PIWIL3: variants seen among roughly 807,000 people sequenced by gnomAD.
PIWIL3 encodes the protein piwi-like protein 3.
PIWIL3 carries 101 observed loss-of-function variants against 109.7 expected under a neutral mutation model. The observed-to-expected ratio is 0.92, with a 90% CI of 0.78 to 1.09. The LOEUF (loss-of-function observed/expected upper bound fraction) is 1.09, where lower values mean the gene tolerates loss of function less well. PIWIL3 is among the 50% of genes least tolerant of loss of function. The pLI is 0.00. For missense variants in PIWIL3, 1,031 were observed against 1,072.6 expected (o/e 0.96, Z 0.54); for synonymous variants, 373 against 376.4 (o/e 0.99, Z 0.10).
intron 8 of PIWIL3, among the ~76,000 whole-genome samples, chr22:24,753,614 T>C (rs76116254): frequency 0.018 from 2,817 of 152,310 alleles, 80 homozygotes; most frequent in African/African-American, 0.065. Flanking sequence ...GTTCTTTAAA[T>C]CCATTCTCTT....
chr22:24,723,082 A>T (rs987625276), intron 19 of PIWIL3, 48 bp downstream of exon 19: 1 of 1,578,986 alleles, frequency 6.3e-7, no homozygotes, highest in Admixed American at 1.7e-5. Context: ...GAACTGAAGG[A>T]AATTGAGAAA....
In PIWIL3 at chr22:24,754,190, A is replaced by T; in HGVS notation, c.801T>A (p.Tyr267Ter). The T allele has an allele frequency of 6.2e-7, 1 of 1,614,058 alleles. No individual in the cohort carries two copies. Among genetic ancestry groups the T allele is most frequent in the Non-Finnish European group, 8.5e-7 (1 of 1,179,890 alleles). ...TTTCGTATTGAAGAACAGAAGTAACATAACCAAGCCAGATTTCCAAACTGG... is the reference window on the plus strand; with the variant it reads ...TTTCGTATTGAAGAACAGAAGTAACTTAACCAAGCCAGATTTCCAAACTGG... ...HGTSLEIWLG[Y>*]VTSVLQYENS... The change falls in exon 8 of 21, where the codon TAT becomes TAA. Residue 267 changes from tyrosine (Y) to a stop codon, truncating the protein, a stop_gained. Coordinates refer to ENST00000616349, the MANE Select transcript of PIWIL3 (RefSeq NM_001255975.1). LOFTEE classifies it high-confidence loss of function.
chr22:24,722,588 C>T (rs529053214), intron 19 of PIWIL3, among the ~76,000 whole-genome samples: 1 of 152,156 alleles, frequency 6.6e-6, no homozygotes, highest in South Asian at 2.1e-4. Context: ...TGGTAGGCAC[C>T]TGTAAGCCCA....
intron 14 of PIWIL3, among the ~76,000 whole-genome samples, chr22:24,731,649 CAAA>C (rs773614986): frequency 1.0e-5 from 1 of 96,884 alleles, no homozygotes. Context: ...AGACTCCGTC[CAAA>C]AAAAAAAAAA....
At chr22:24,737,669 T>C (rs1438151687) in intron 12 of PIWIL3, among the ~76,000 whole-genome samples, 1 of 152,150 alleles carries the variant, frequency 6.6e-6, no homozygotes, top group Non-Finnish European at 1.5e-5. Context: ...AGGCCTTGGC[T>C]CGTGGATGGC....
chr22:24,769,701 C>T (rs1350976282), intron 1 of PIWIL3: 1 of 152,184 alleles, frequency 6.6e-6, no homozygotes, highest in African/African-American at 2.4e-5. Flanking sequence ...GAGGCTGAGG[C>T]AGAAGAATCG....
intron 1 of PIWIL3, among the ~76,000 whole-genome samples, chr22:24,765,413 A>G (rs6004266): frequency 0.66 from 100,774 of 152,034 alleles, 33,597 homozygotes; most frequent in East Asian, 0.75. Context: ...AAGCAGTCGT[A>G]GCTTTGGCAG....
chr22:24,744,196 A>AAAAAAAAAAAC (rs1924205551), intron 12 of PIWIL3, among the ~76,000 whole-genome samples: 1 of 148,082 alleles, frequency 6.8e-6, no homozygotes, highest in Non-Finnish European at 1.5e-5. Context: ...AAAAAAAAAA[A>AAAAAAAAAAAC]AAAAAAAAAA....
chr22:24,751,502 T>C lies in PIWIL3; in HGVS notation c.978-4A>G. 1 of 1,607,878 alleles carries C rather than the reference T, an allele frequency of 6.2e-7. No individual in the cohort carries two copies. Among genetic ancestry groups the C allele is most frequent in the Non-Finnish European group, 8.5e-7 (1 of 1,178,508 alleles). On this transcript the variant is annotated splice_polypyrimidine_tract_variant and splice_region_variant and intron_variant, in intron 8 of 20. Coordinates refer to ENST00000616349, the MANE Select transcript of PIWIL3 (RefSeq NM_001255975.1). Reference sequence around the variant, plus strand: ...TCTGTAGGTTTTGTTGTTGTATCTGTGGAATAATTACAATATGGTATTATT... The same window carrying C: ...TCTGTAGGTTTTGTTGTTGTATCTGCGGAATAATTACAATATGGTATTATT...
chr22:24,746,076 G>T lies in PIWIL3; in HGVS notation c.1449+2831C>A, dbSNP rs559321787. On this transcript the variant is annotated intron_variant, in intron 12 of 20. Coordinates refer to ENST00000616349, the MANE Select transcript of PIWIL3 (RefSeq NM_001255975.1). ...TACTCCTATTCCGAAAAATAGAGGA[G>T]GAGGGAATACTTCCAAGTCATTTCA... Among the ~76,000 whole-genome samples the T allele has an allele frequency of 1.1e-4, 16 of 152,258 alleles. No individual in the cohort carries two copies. The South Asian group carries it at 3.3e-3, about 32-fold the overall frequency.
chr22:24,749,646 G>C, intron 10 of PIWIL3, 47 bp downstream of exon 10: 1 of 1,613,798 alleles, frequency 6.2e-7, no homozygotes, highest in Non-Finnish European at 8.5e-7. Context: ...CCTGCGTTAA[G>C]TCGTAATTAT....
chr22:24,748,818 G>A (rs1393519342), intron 12 of PIWIL3, 89 bp downstream of exon 12: 27 of 954,930 alleles, frequency 2.8e-5, no homozygotes, highest in Admixed American at 2.5e-4. Flanking sequence ...AACAGCAGTC[G>A]TAGTCATTAC....
At position 24,731,913 on chromosome 22, in the gene PIWIL3, T is replaced by C. The variant is rs147965093; in HGVS notation, c.1707+2171A>G. Among the ~76,000 whole-genome samples, 17 of 152,310 alleles carry C rather than the reference T, an allele frequency of 1.1e-4. No individual in the cohort carries two copies. In the East Asian group the frequency reaches 3.3e-3, roughly 29 times the overall value. On this transcript the variant is annotated intron_variant, in intron 14 of 20. Transcript: ENST00000616349. Reference sequence around the variant, plus strand: ...CGGGAACACTTTCATTTCCTCTATTTCTGCCTTATGTATCCCAACTCGCAT... The same window carrying C: ...CGGGAACACTTTCATTTCCTCTATTCCTGCCTTATGTATCCCAACTCGCAT...
At chr22:24,726,848 G>T (rs1464052704) in intron 16 of PIWIL3, among the ~76,000 whole-genome samples, 2 of 152,314 alleles carry the variant, frequency 1.3e-5, no homozygotes, top group East Asian at 3.9e-4. Flanking sequence ...ATTACACCTA[G>T]TGGGCCACAA....
At chr22:24,740,522 T>C (rs1923942099) in intron 12 of PIWIL3, among the ~76,000 whole-genome samples, 3 of 133,944 alleles carry the variant, frequency 2.2e-5, no homozygotes, top group Non-Finnish European at 4.6e-5. Flanking sequence ...CACTCCATCC[T>C]GGGCAACAGA....
Position 24,744,198 on chromosome 22 carries a change from A to C in PIWIL3, c.1449+4709T>G, listed in dbSNP as rs532305812. 4.0e-5 allele frequency among the ~76,000 whole-genome samples: 6 copies of C among 148,506 alleles called. No individual in the cohort carries two copies. The South Asian group carries it at 6.4e-4, about 16-fold the overall frequency. ...CGAATTAAAAAAAAAAAAAAAAAAA[A>C]AAAAAAAAACAATGATCTGCTGCCT... On this transcript the variant is annotated intron_variant, in intron 12 of 20. Transcript: ENST00000616349.
In PIWIL3 at chr22:24,770,771, G is replaced by T. The variant is rs1174196878; in HGVS notation, c.-23+3551C>A. Among the ~76,000 whole-genome samples, 5 of 151,802 alleles carry T rather than the reference G, an allele frequency of 3.3e-5. No homozygotes were observed. In the East Asian group the frequency reaches 9.7e-4, roughly 29 times the overall value. ...AATTGCTTGAACCCAAGGGGTGGAG[G>T]TTGCAGTGAGCCAAGATCGCACCAC... On this transcript the variant is annotated intron_variant, in intron 1 of 20. Transcript: ENST00000616349.
In PIWIL3 at chr22:24,719,582, T is replaced by G; in HGVS notation, c.2512A>C (p.Ile838Leu). 1 of 1,588,940 alleles carries G rather than the reference T, an allele frequency of 6.3e-7. No homozygotes were observed. The highest frequency in any genetic ancestry group is 1.2e-5 in the South Asian group (1 of 86,532). The change falls in exon 21 of 21, where the codon ATC becomes CTC. Residue 838 changes from isoleucine (I) to leucine (L), a missense_variant. Physicochemically the swap from Ile to Leu is conservative, Grantham distance 5. Coordinates refer to ENST00000616349, the MANE Select transcript of PIWIL3 (RefSeq NM_001255975.1). The part of the protein sequence containing the change: ...CHMYYNLPGI[I>L]RVPAPCHYAH... ...TAGTGGCAAGGCGCTGGAACTCGGA[T>G]GATGCCCTTTAGTAGGAAAAGAAAA...
At chr22:24,743,801 C>A (rs1207907578) in intron 12 of PIWIL3, among the ~76,000 whole-genome samples, 1 of 151,918 alleles carries the variant, frequency 6.6e-6, no homozygotes, top group African/African-American at 2.4e-5. Flanking sequence ...TCCACAAAAA[C>A]CTATTGAAAT....
Sources: gnomAD v4.1 joint callset for allele counts (sites outside exome capture counted in the v4.1 genomes callset) on GRCh38, gnomAD v4.1.1 for gene constraint, MANE v1.5 for transcripts, NCBI Gene and HGNC (gene_info 2026-07-23, HGNC 2026-07-21) for gene names.